Variants in PROSER2 observed in about 807,000 individuals in gnomAD.
PROSER2 encodes the protein proline and serine-rich protein 2.
Under a neutral mutation model 14.6 loss-of-function variants are expected in PROSER2, and 18 were observed. That is an observed-to-expected ratio of 1.23 (90% CI 0.85 to 1.83). PROSER2 has a LOEUF of 1.83. Ranked by LOEUF, PROSER2 falls within the 40% of genes most tolerant of loss-of-function variation. The pLI is 0.00. For synonymous variants in PROSER2, 367 were observed against 286.4 expected (o/e 1.28, Z -2.84); for missense variants, 823 against 629.8 (o/e 1.31, Z -3.28).
chr10:11,869,850 C>A lies in PROSER2; in HGVS notation c.752C>A (p.Pro251His). The A allele has an allele frequency of 6.3e-7, 1 of 1,589,024 alleles. No homozygotes were observed. Among genetic ancestry groups the A allele is most frequent in the Admixed American group, 1.8e-5 (1 of 56,792 alleles). ...GPSHPAQPKA[P>H]RFPSNIIVTN... is the part of the protein sequence containing the mutation. ...AGCCACCCGGCGCAGCCCAAGGCACCCCGCTTCCCCAGCAACATCATCGTC... is the reference window on the plus strand; with the variant it reads ...AGCCACCCGGCGCAGCCCAAGGCACACCGCTTCCCCAGCAACATCATCGTC... Residue 251 changes from proline to histidine, a missense_variant, in exon 4 of 4, where the codon CCC (proline) becomes CAC (histidine). Coordinates refer to ENST00000277570, the MANE Select transcript of PROSER2 (RefSeq NM_153256.4). The surrounding 1 kb of genome is among the most constrained non-coding windows in gnomAD (Gnocchi z 4.4).
chr10:11,862,538 A>G lies in PROSER2; in HGVS notation c.139-3993A>G, dbSNP rs931201180. ...AAGACTTTGTCTCTACAAAAAATAT[A>G]TAAAAATTAGCTGGGTATGGTAGTG... On this transcript the variant is annotated intron_variant, in intron 2 of 3. Coordinates refer to ENST00000277570, the MANE Select transcript of PROSER2 (RefSeq NM_153256.4). The surrounding 1 kb of genome is among the most constrained non-coding windows in gnomAD (Gnocchi z 4.2). Among the ~76,000 whole-genome samples, 2 of 152,086 alleles carry G rather than the reference A, an allele frequency of 1.3e-5. No individual in the cohort carries two copies. The highest frequency in any genetic ancestry group is 2.9e-5 in the Non-Finnish European group (2 of 68,014).
intron 1 of PROSER2, among the ~76,000 whole-genome samples, chr10:11,842,957 T>G: frequency 9.5e-6 from 1 of 105,338 alleles, no homozygotes; most frequent in African/African-American, 3.4e-5. Context: ...TTTTTTTTTT[T>G]TGAGATGGAG....
At position 11,870,112 on chromosome 10, in the gene PROSER2, C is replaced by A; in HGVS notation, c.1014C>A (p.Gly338=). ...SLRAGGQAPR[G]PALANGFPSA... ...GGGCAGGGGGTCAGGCTCCGCGGGG[C>A]CCGGCGCTGGCCAACGGCTTCCCAA... The change falls in exon 4 of 4, where the codon GGC becomes GGA. Residue 338 remains glycine (G), a synonymous_variant. Transcript: ENST00000277570. 7.4e-7 allele frequency: 1 copy of A among 1,349,198 alleles called. No homozygotes were observed. Among genetic ancestry groups the A allele is most frequent in the Admixed American group, 3.9e-5 (1 of 25,668 alleles). The allele number at this position is 1,349,198 out of a possible 1,614,324, so 83.6% of individuals were successfully genotyped here. A position where few individuals can be genotyped will look rare whatever the true frequency, so the allele number is the denominator to read the frequency against.
chr10:11,860,649 A>T (rs560600721), intron 2 of PROSER2, among the ~76,000 whole-genome samples: 2 of 151,658 alleles, frequency 1.3e-5, no homozygotes. Context: ...GTCTCATTTT[A>T]TACAAATAAT....
In PROSER2 at chr10:11,865,462, A is replaced by G. The variant is rs1446941772; in HGVS notation, c.139-1069A>G. Among the ~76,000 whole-genome samples the G allele has an allele frequency of 6.6e-6, 1 of 152,200 alleles. No individual in the cohort carries two copies. Among genetic ancestry groups the G allele is most frequent in the Non-Finnish European group, 1.5e-5 (1 of 68,034 alleles). ...CCTTTGATTTTGATAGCTGTTTCAC[A>G]TTAACAGTTTTCCTCAGATGCTCGG... On this transcript the variant is annotated intron_variant, in intron 2 of 3. Coordinates refer to ENST00000277570, the MANE Select transcript of PROSER2 (RefSeq NM_153256.4). This position sits in a 1 kb window ranked among gnomAD's most constrained non-coding sequence, Gnocchi z 4.2.
At chr10:11,833,884 G>T (rs372713032) in intron 1 of PROSER2, among the ~76,000 whole-genome samples, 181 of 151,974 alleles carry the variant, frequency 1.2e-3, no homozygotes, top group African/African-American at 4.1e-3. Context: ...AGTCACGAAG[G>T]CTTGACCATG....
intron 3 of PROSER2, among the ~76,000 whole-genome samples, chr10:11,867,908 G>A (rs1834386649): frequency 6.6e-6 from 1 of 152,156 alleles, no homozygotes; most frequent in African/African-American, 2.4e-5. Flanking sequence ...GAAGGGATGA[G>A]GAAACATTAC....
chr10:11,849,048 G>A (rs943181565), intron 1 of PROSER2, among the ~76,000 whole-genome samples: 9 of 150,302 alleles, frequency 6.0e-5, no homozygotes, highest in African/African-American at 2.0e-4. Context: ...TTAGCTGGGC[G>A]TGGTGGCGCA....
intron 1 of PROSER2, among the ~76,000 whole-genome samples, chr10:11,840,865 C>T (rs1377430534): frequency 1.5e-5 from 2 of 134,028 alleles, no homozygotes; most frequent in Admixed American, 8.3e-5. Flanking sequence ...GCGGAGGTTA[C>T]AGTGAGCGAA....
At chr10:11,854,177 C>A (rs1834080159) in intron 2 of PROSER2, among the ~76,000 whole-genome samples, 1 of 152,198 alleles carries the variant, frequency 6.6e-6, no homozygotes. Flanking sequence ...TAACTGTTTT[C>A]AGGCATTTTC....
At chr10:11,863,338 C>CTACAA (rs751116434) in intron 2 of PROSER2, among the ~76,000 whole-genome samples, 5 of 152,112 alleles carry the variant, frequency 3.3e-5, no homozygotes, top group Non-Finnish European at 7.3e-5. Context: ...AAGCATCAGA[C>CTACAA]TACACCACAT....
Position 11,870,116 on chromosome 10 carries a change from G to C in PROSER2, c.1018G>C (p.Ala340Pro). ...RAGGQAPRGP[A>P]LANGFPSAHE... is the part of the protein sequence containing the mutation. ...AGGGGGTCAGGCTCCGCGGGGCCCG[G>C]CGCTGGCCAACGGCTTCCCAAGTGC... The change falls in exon 4 of 4, where the codon GCG becomes CCG. Residue 340 changes from alanine to proline, a missense_variant. By Grantham distance (27) the Ala-to-Pro change is conservative. Transcript: ENST00000277570. 7.4e-7 allele frequency: 1 copy of C among 1,356,916 alleles called. No individual in the cohort carries two copies. 84.1% of individuals were successfully genotyped at this position (1,356,916 alleles called of 1,614,324 possible). A position where few individuals can be genotyped will look rare whatever the true frequency, so the allele number is the denominator to read the frequency against.
At chr10:11,842,855 A>G (rs1017798254) in intron 1 of PROSER2, among the ~76,000 whole-genome samples, 3 of 150,124 alleles carry the variant, frequency 2.0e-5, no homozygotes, top group Non-Finnish European at 4.4e-5. Context: ...GTGTGCGTGA[A>G]TGTGTGTATT....
intron 1 of PROSER2, among the ~76,000 whole-genome samples, chr10:11,825,713 TC>T (rs1302176543): frequency 6.6e-6 from 1 of 152,194 alleles, no homozygotes; most frequent in Non-Finnish European, 1.5e-5. Flanking sequence ...GTGCTAGGTT[TC>T]TAATCTGTGC....
chr10:11,840,941 AAAAAAAAAAAAAAAATATATAT>A (rs1481649583), intron 1 of PROSER2, among the ~76,000 whole-genome samples: 70 of 56,732 alleles, frequency 1.2e-3, no homozygotes, highest in Non-Finnish European at 1.9e-3. Flanking sequence ...AAAAAAAAAA[AAAAAAAAAAAAAAAATATATAT>A]ATATATATAT....
chr10:11,860,194 C>G (rs1466108672), intron 2 of PROSER2, among the ~76,000 whole-genome samples: 2 of 152,228 alleles, frequency 1.3e-5, no homozygotes, highest in African/African-American at 2.4e-5. Flanking sequence ...AGAGAAGGTG[C>G]TTGGGATACA....
At chr10:11,843,619 G>A (rs980238971) in intron 1 of PROSER2, among the ~76,000 whole-genome samples, 6 of 151,718 alleles carry the variant, frequency 4.0e-5, no homozygotes, top group Admixed American at 2.0e-4. Context: ...CTGGGAGGCA[G>A]AGGTTGCAGT....
Position 11,852,215 on chromosome 10 carries a change from GGTGA to G in PROSER2, c.138+5_138+8del. 6.2e-7 allele frequency: 1 copy of G among 1,600,114 alleles called. No homozygotes were observed. The highest frequency in any genetic ancestry group is 8.5e-7 in the Non-Finnish European group (1 of 1,171,506). On this transcript the variant is annotated splice_donor_variant and splice_donor_region_variant and intron_variant, in intron 2 of 3. Transcript: ENST00000277570. LOFTEE classifies it high-confidence loss of function. The stretch of plus-strand genomic sequence containing the variant: ...GCTCTCGCTCCAGAAGCTTCACTTT[GGTGA>G]GTGACAGTTTTTCTTTCATGCTTTC...
In PROSER2 at chr10:11,862,280, C is replaced by G. The variant is rs766978410; in HGVS notation, c.139-4251C>G. Among the ~76,000 whole-genome samples the G allele has an allele frequency of 2.6e-5, 4 of 152,114 alleles. No homozygotes were observed. Among genetic ancestry groups the G allele is most frequent in the Non-Finnish European group, 5.9e-5 (4 of 68,024 alleles). On this transcript the variant is annotated intron_variant, in intron 2 of 3. Transcript: ENST00000277570. The surrounding 1 kb of genome is among the most constrained non-coding windows in gnomAD (Gnocchi z 4.2). ...GCATGCGTGTGTTTATGTGAATATG[C>G]AAATTGACAAACTGATACTAAAATT...
Sources: gnomAD v4.1 joint callset for allele counts (sites outside exome capture counted in the v4.1 genomes callset) on GRCh38, gnomAD v4.1.1 for gene constraint, Gnocchi (gnomAD v3.1) non-coding constraint, MANE v1.5 for transcripts, NCBI Gene and HGNC (gene_info 2026-07-23, HGNC 2026-07-21) for gene names.